ZNF207: variants seen among roughly 807,000 people sequenced by gnomAD.
ZNF207 encodes the protein zinc finger protein 207.
In ZNF207, 24 loss-of-function variants were observed where a neutral mutation model predicts 60.2. That is an observed-to-expected ratio of 0.40 (90% CI 0.29 to 0.56). ZNF207 has a LOEUF of 0.56. ZNF207 is among the 20% of genes least tolerant of loss of function. The pLI is 0.49. For synonymous variants in ZNF207, 236 were observed against 194.7 expected (o/e 1.21, Z -1.77); for missense variants, 452 against 636.6 (o/e 0.71, Z 3.12).
In ZNF207 at chr17:32,366,763, C is replaced by G; in HGVS notation, c.921+6C>G. ...TGTTTCCTAGCACAGCACAAGTACG[C>G]AGGAAGTTGCAGTTTAAAATTGTTA... On this transcript the variant is annotated splice_donor_region_variant and intron_variant, in intron 9 of 11. Coordinates refer to ENST00000394670, the MANE Select transcript of ZNF207 (RefSeq NM_001098507.2). 6.3e-7 allele frequency: 1 copy of G among 1,590,100 alleles called. No individual in the cohort carries two copies. Among genetic ancestry groups the G allele is most frequent in the Non-Finnish European group, 8.5e-7 (1 of 1,170,846 alleles).
chr17:32,367,023 A>G (rs1460557003), intron 9 of ZNF207, among the ~76,000 whole-genome samples: 1 of 151,872 alleles, frequency 6.6e-6, no homozygotes, highest in African/African-American at 2.4e-5. Flanking sequence ...TGCATGATTA[A>G]GCTATTTTGA....
At chr17:32,351,460 C>G in intron 1 of ZNF207, 5 of 1,401,364 alleles carry the variant, frequency 3.6e-6, no homozygotes, top group Non-Finnish European at 4.6e-6. Flanking sequence ...CTTTCCTGTC[C>G]TCAGTGTGCA....
At chr17:32,352,223 G>A (rs2041521361) in intron 2 of ZNF207, among the ~76,000 whole-genome samples, 1 of 152,122 alleles carries the variant, frequency 6.6e-6, no homozygotes, top group South Asian at 2.1e-4. Context: ...ACCCACCTGG[G>A]CCTCCCAGAG....
At chr17:32,367,083 C>T (rs1383134103) in intron 9 of ZNF207, among the ~76,000 whole-genome samples, 5 of 151,146 alleles carry the variant, frequency 3.3e-5, no homozygotes, top group Non-Finnish European at 5.9e-5. Flanking sequence ...TTTAATACTG[C>T]TTTGGTTCTA....
chr17:32,365,127 T>C (rs1403570390), intron 7 of ZNF207, among the ~76,000 whole-genome samples: 4 of 152,268 alleles, frequency 2.6e-5, no homozygotes, highest in African/African-American at 2.4e-5. Context: ...TCTAGTGTTA[T>C]CTTCCACTTC....
chr17:32,369,381 A>C lies in ZNF207; in HGVS notation c.1251A>C (p.Pro417=). 1 of 1,614,138 alleles carries C rather than the reference A, an allele frequency of 6.2e-7. No individual in the cohort carries two copies. Among genetic ancestry groups the C allele is most frequent in the Non-Finnish European group, 8.5e-7 (1 of 1,180,026 alleles). Residue 417 remains proline (P), a synonymous_variant, in exon 11 of 12, where the codon CCA becomes CCC. Coordinates refer to ENST00000394670, the MANE Select transcript of ZNF207 (RefSeq NM_001098507.2). ...CCATCGGTAATCCACCAGTTGGACC[A>C]ATTGGAGGTATGATGCCACCACAGC... The part of the protein sequence containing the change: ...QAPIGNPPVG[P]IGGMMPPQPG...
At chr17:32,351,297 G>T (rs1168855245) in intron 1 of ZNF207, 1 of 324,736 alleles carries the variant, frequency 3.1e-6, no homozygotes, top group Non-Finnish European at 4.8e-6. Flanking sequence ...CAACTTTATG[G>T]ATTGTTCATT....
Position 32,374,342 on chromosome 17 carries a change from CG to C in ZNF207, c.*4584del, listed in dbSNP as rs1221334374. 6.6e-6 allele frequency: 1 copy of C among 151,970 alleles called. No homozygotes were observed. Among genetic ancestry groups the C allele is most frequent in the African/African-American group, 2.4e-5 (1 of 41,250 alleles). 9.4% of individuals were successfully genotyped at this position (151,970 alleles called of 1,614,324 possible). A position where few individuals can be genotyped will look rare whatever the true frequency, so the allele number is the denominator to read the frequency against. ...AAGCGATTCTCCTGTCTCAGCCTCC[CG>C]AGTAGCTGGGACTACAGGTGCTTGC... On this transcript the variant is annotated 3_prime_UTR_variant, in exon 12 of 12. Coordinates refer to ENST00000394670, the MANE Select transcript of ZNF207 (RefSeq NM_001098507.2).
intron 8 of ZNF207, among the ~76,000 whole-genome samples, chr17:32,365,873 G>A (rs1251683714): frequency 1.3e-5 from 2 of 151,390 alleles, no homozygotes; most frequent in East Asian, 2.0e-4. Context: ...CAAATCATTT[G>A]TCAGGCTCTG....
In ZNF207 at chr17:32,371,857, CT is replaced by C. The variant is rs1429331435; in HGVS notation, c.*2101del. 1 of 152,208 alleles carries C rather than the reference CT, an allele frequency of 6.6e-6. No homozygotes were observed. Among genetic ancestry groups the C allele is most frequent in the Non-Finnish European group, 1.5e-5 (1 of 68,042 alleles). 9.4% of individuals were successfully genotyped at this position (152,208 alleles called of 1,614,324 possible). A position where few individuals can be genotyped will look rare whatever the true frequency, so the allele number is the denominator to read the frequency against. On this transcript the variant is annotated 3_prime_UTR_variant, in exon 12 of 12. Transcript: ENST00000394670. ...CAGGTATTTTGCCAGTAATGTATTT[CT>C]TTCTGCCAGCAGCCAAGTCCCAAAC...
rs1248567518 is a variant in ZNF207, at chr17:32,381,344, T to C, written c.*11585T>C. On this transcript the variant is annotated 3_prime_UTR_variant, in exon 12 of 12. Transcript: ENST00000394670. ...TATTATTAAATGGTCTAAAGAAAAA[T>C]CATGACTGATCGCATAATTTTTAAT... is the stretch of plus-strand genomic sequence containing the variant. The C allele has an allele frequency of 6.6e-6, 1 of 152,208 alleles. No individual in the cohort carries two copies. Among genetic ancestry groups the C allele is most frequent in the African/African-American group, 2.4e-5 (1 of 41,440 alleles). The allele number at this position is 152,208 out of a possible 1,614,324, so 9.4% of individuals were successfully genotyped here.
intron 8 of ZNF207, among the ~76,000 whole-genome samples, chr17:32,366,015 C>T (rs1330327713): frequency 6.6e-6 from 1 of 152,180 alleles, no homozygotes; most frequent in East Asian, 1.9e-4. Context: ...GTCTTTTTTC[C>T]AGAGCATAAG....
chr17:32,362,353 A>G (rs1456567702), intron 6 of ZNF207, among the ~76,000 whole-genome samples: 3 of 152,096 alleles, frequency 2.0e-5, no homozygotes, highest in African/African-American at 7.2e-5. Context: ...TTAAAAAGTT[A>G]TGGTCTCACT....
At chr17:32,361,037 A>G in intron 5 of ZNF207, 70 bp downstream of exon 5, 1 of 1,495,214 alleles carries the variant, frequency 6.7e-7, no homozygotes, top group South Asian at 1.2e-5. Flanking sequence ...TGGATGTTAT[A>G]TGAATGAAAT....
In ZNF207 at chr17:32,372,956, C is replaced by G. The variant is rs1905535984; in HGVS notation, c.*3197C>G. 6.6e-6 allele frequency: 1 copy of G among 152,536 alleles called. No individual in the cohort carries two copies. The highest frequency in any genetic ancestry group is 6.5e-5 in the Admixed American group (1 of 15,274). The allele number at this position is 152,536 out of a possible 1,614,324, so 9.4% of individuals were successfully genotyped here. A position where few individuals can be genotyped will look rare whatever the true frequency, so the allele number is the denominator to read the frequency against. ...CTTTGGCTCTACCTTACATCCACCCCTTTTAGAAAAACAAGAAAACATTTT... is the reference window on the plus strand; with the variant it reads ...CTTTGGCTCTACCTTACATCCACCCGTTTTAGAAAAACAAGAAAACATTTT... On this transcript the variant is annotated 3_prime_UTR_variant, in exon 12 of 12. Coordinates refer to ENST00000394670, the MANE Select transcript of ZNF207 (RefSeq NM_001098507.2).
chr17:32,358,714 C>T (rs1904687593), intron 3 of ZNF207, 73 bp downstream of exon 3: 1 of 1,177,874 alleles, frequency 8.5e-7, no homozygotes, highest in East Asian at 3.2e-5. Flanking sequence ...CAGAGGCTTA[C>T]TCTGTCCAGC....
chr17:32,367,553 C>A (rs77763382), intron 9 of ZNF207, among the ~76,000 whole-genome samples: 1,911 of 151,848 alleles, frequency 0.013, 22 homozygotes, highest in Non-Finnish European at 0.018. Flanking sequence ...AGTCTTATTT[C>A]CACTGCTGTG....
At chr17:32,350,957 G>C (rs1031285635) in intron 1 of ZNF207, 5 of 150,048 alleles carry the variant, frequency 3.3e-5, no homozygotes, top group Non-Finnish European at 5.9e-5. Context: ...ACCCAACTTT[G>C]TAGGACTAAA....
intron 1 of ZNF207, chr17:32,350,853 TTTC>T (rs1414000847): frequency 2.6e-5 from 4 of 151,798 alleles, no homozygotes; most frequent in African/African-American, 9.7e-5. Flanking sequence ...TTTTTTTTTT[TTTC>T]TTTTCGGGGC....
Sources: gnomAD v4.1 joint callset for allele counts (sites outside exome capture counted in the v4.1 genomes callset) on GRCh38, gnomAD v4.1.1 for gene constraint, MANE v1.5 for transcripts, NCBI Gene and HGNC (gene_info 2026-07-23, HGNC 2026-07-21) for gene names.